Variants in GABRB1 observed in about 807,000 individuals in gnomAD.
GABRB1 encodes the protein gamma-aminobutyric acid type A receptor subunit beta1, also known as gamma-aminobutyric acid receptor subunit beta-1.
In GABRB1, 17 loss-of-function variants were observed where a neutral mutation model predicts 51.6. That is an observed-to-expected ratio of 0.33 (90% CI 0.23 to 0.49). The LOEUF (loss-of-function observed/expected upper bound fraction) is 0.49. Ranked by LOEUF, GABRB1 falls within the 20% of genes least tolerant of loss-of-function variation. The pLI is 0.99. For synonymous variants in GABRB1, 247 were observed against 218.9 expected, an observed-to-expected ratio of 1.13 and a Z score of -1.14; for missense variants, 410 against 600.6, an observed-to-expected ratio of 0.68 and a Z score of 3.32.
chr4:47,211,855 G>T (rs1047613735), intron 4 of GABRB1, among the ~76,000 whole-genome samples: 81 of 152,078 alleles, frequency 5.3e-4, no homozygotes, highest in African/African-American at 1.9e-3. Flanking sequence ...TTTCTCACCT[G>T]ATTCCAGTCT....
chr4:47,378,366 C>T (rs969696259), intron 5 of GABRB1, among the ~76,000 whole-genome samples: 1 of 152,202 alleles, frequency 6.6e-6, no homozygotes, highest in African/African-American at 2.4e-5. Flanking sequence ...CTTGCCAAGC[C>T]CACACCCACC....
At chr4:47,378,974 C>T (rs1345296853) in intron 5 of GABRB1, among the ~76,000 whole-genome samples, 2 of 152,018 alleles carry the variant, frequency 1.3e-5, no homozygotes, top group Non-Finnish European at 2.9e-5. Flanking sequence ...CTTTTTCTGG[C>T]GTGATAGATT....
intron 3 of GABRB1, among the ~76,000 whole-genome samples, chr4:47,118,556 C>A (rs564536887): frequency 3.7e-4 from 57 of 152,230 alleles, no homozygotes; most frequent in Middle Eastern, 3.4e-3. Flanking sequence ...AATGCCTTTC[C>A]AGGATAAAAG....
At chr4:47,349,357 A>C (rs1726224035) in intron 5 of GABRB1, among the ~76,000 whole-genome samples, 1 of 152,146 alleles carries the variant, frequency 6.6e-6, no homozygotes, top group South Asian at 2.1e-4. Context: ...GAGAAATGGG[A>C]GGAAAACCAT....
intron 5 of GABRB1, among the ~76,000 whole-genome samples, chr4:47,354,218 T>C (rs1172999354): frequency 2.0e-5 from 3 of 152,208 alleles, no homozygotes; most frequent in Non-Finnish European, 4.4e-5. Context: ...TAATGGTCCA[T>C]TCATGACCAG....
chr4:47,262,847 G>A (rs1035453006), intron 4 of GABRB1, among the ~76,000 whole-genome samples: 22 of 152,074 alleles, frequency 1.4e-4, no homozygotes, highest in African/African-American at 5.3e-4. Flanking sequence ...TATGCACCAT[G>A]GAATACTATG....
chr4:46,994,813 T>C (rs1723933261), intron 1 of GABRB1, among the ~76,000 whole-genome samples: 1 of 152,206 alleles, frequency 6.6e-6, no homozygotes, highest in Non-Finnish European at 1.5e-5. Context: ...ACCAATTAGG[T>C]TCTAGTCGGA....
intron 3 of GABRB1, among the ~76,000 whole-genome samples, chr4:47,129,376 T>A (rs888589487): frequency 3.3e-5 from 5 of 152,262 alleles, no homozygotes; most frequent in Admixed American, 1.3e-4. Context: ...ATATCAAACA[T>A]GCACTGTCAC....
At chr4:47,252,224 G>C (rs780332613) in intron 4 of GABRB1, among the ~76,000 whole-genome samples, 2 of 151,628 alleles carry the variant, frequency 1.3e-5, no homozygotes, top group Non-Finnish European at 2.9e-5. Flanking sequence ...TATTTCTCTT[G>C]GGTCTCTAAA....
chr4:47,346,952 G>C (rs905508017), intron 5 of GABRB1, among the ~76,000 whole-genome samples: 2 of 152,168 alleles, frequency 1.3e-5, no homozygotes, highest in Middle Eastern at 3.2e-3. Context: ...TTTGACAACT[G>C]TTCTGCTCAA....
intron 5 of GABRB1, among the ~76,000 whole-genome samples, chr4:47,395,514 G>T (rs1434878387): frequency 6.6e-6 from 1 of 152,120 alleles, no homozygotes; most frequent in African/African-American, 2.4e-5. Flanking sequence ...AGATTTGGGT[G>T]GAGACACAGA....
At chr4:47,023,843 G>T (rs1725005724) in intron 1 of GABRB1, among the ~76,000 whole-genome samples, 3 of 151,814 alleles carry the variant, frequency 2.0e-5, no homozygotes, top group African/African-American at 7.3e-5. Flanking sequence ...AATTGAGTAA[G>T]GGTGTAAACT....
In GABRB1 at chr4:47,406,894, G is replaced by T. The variant is rs749603787; in HGVS notation, c.1048G>T (p.Glu350Ter). The change falls in exon 8 of 9, where the codon GAG becomes TAG. Residue 350 changes from glutamate to a stop codon, truncating the protein, a stop_gained. Coordinates refer to ENST00000295454, the MANE Select transcript of GABRB1 (RefSeq NM_000812.4). LOFTEE classifies it high-confidence loss of function. ...GASKQDQSAN[E>*]KNKLEMNKVQ... The stretch of plus-strand genomic sequence containing the variant: ...TAGCAAACAAGACCAGAGTGCCAAT[G>T]AGAAGAATAAACTGGAGATGAATAA... The T allele has an allele frequency of 6.2e-7, 1 of 1,614,040 alleles. No individual in the cohort carries two copies. The highest frequency in any genetic ancestry group is 1.7e-5 in the Admixed American group (1 of 60,018).
intron 3 of GABRB1, among the ~76,000 whole-genome samples, chr4:47,112,547 C>G (rs2109630446): frequency 6.6e-6 from 1 of 152,264 alleles, no homozygotes; most frequent in East Asian, 1.9e-4. Flanking sequence ...AATTTGAAGC[C>G]TCAGTTTCTC....
chr4:47,284,626 C>G (rs146087390), intron 4 of GABRB1, among the ~76,000 whole-genome samples: 3 of 152,132 alleles, frequency 2.0e-5, no homozygotes, highest in Non-Finnish European at 2.9e-5. Flanking sequence ...TATCGCTTTT[C>G]GTAAGTAATC....
At chr4:47,320,626 T>C (rs957509000) in intron 5 of GABRB1, among the ~76,000 whole-genome samples, 2 of 152,182 alleles carry the variant, frequency 1.3e-5, no homozygotes, top group African/African-American at 2.4e-5. Flanking sequence ...TAATGTGTCT[T>C]TCCTCATGAA....
intron 4 of GABRB1, among the ~76,000 whole-genome samples, chr4:47,298,578 G>T (rs1028719553): frequency 2.0e-5 from 3 of 152,166 alleles, no homozygotes; most frequent in Admixed American, 6.5e-5. Context: ...ACTGCTCAAT[G>T]AAATAAAAGA....
At chr4:47,043,158 G>C (rs1481175967) in intron 3 of GABRB1, 1 of 152,012 alleles carries the variant, frequency 6.6e-6, no homozygotes, top group East Asian at 1.9e-4. Context: ...AGAGAAAGAA[G>C]ATTCACGACA....
chr4:47,367,570 A>T (rs938873086), intron 5 of GABRB1, among the ~76,000 whole-genome samples: 1 of 152,208 alleles, frequency 6.6e-6, no homozygotes, highest in Non-Finnish European at 1.5e-5. Context: ...CAAATGACAG[A>T]TGCAGAAAAG....
Sources: gnomAD v4.1 joint callset for allele counts (sites outside exome capture counted in the v4.1 genomes callset) on GRCh38, gnomAD v4.1.1 for gene constraint, MANE v1.5 for transcripts, NCBI Gene and HGNC (gene_info 2026-07-23, HGNC 2026-07-21) for gene names.